PRIM2: variants seen among roughly 807,000 people sequenced by gnomAD.
PRIM2 encodes the protein DNA primase large subunit.
Under a neutral mutation model 67.3 loss-of-function variants are expected in PRIM2, and 39 were observed. The observed-to-expected ratio is 0.58, with a 90% CI of 0.45 to 0.76. PRIM2 has a LOEUF of 0.76. PRIM2 is among the 30% of genes least tolerant of loss of function. The pLI, the probability that PRIM2 is intolerant of heterozygous loss-of-function variation, is 0.00. For synonymous variants in PRIM2, 143 were observed against 198.7 expected, an observed-to-expected ratio of 0.72 and a Z score of 2.36; for missense variants, 398 against 598.7, an observed-to-expected ratio of 0.66 and a Z score of 3.50.
chr6:57,373,048 A>G (rs1415786919), intron 5 of PRIM2, among the ~76,000 whole-genome samples: 1 of 152,238 alleles, frequency 6.6e-6, no homozygotes, highest in Non-Finnish European at 1.5e-5. Flanking sequence ...ACTGTCTTCC[A>G]CAATGGTTGA....
chr6:57,247,134 G>GT, the PRIM2 span, among the ~76,000 whole-genome samples: 3 of 152,308 alleles, frequency 2.0e-5, no homozygotes, highest in Middle Eastern at 3.4e-3. Context: ...GATTACAGGC[G>GT]TGAGCCACAC....
intron 7 of PRIM2, among the ~76,000 whole-genome samples, chr6:57,393,992 GGATTCTCTATT>G (rs1417381099): frequency 1.3e-5 from 2 of 151,808 alleles, no homozygotes; most frequent in Non-Finnish European, 2.9e-5. Flanking sequence ...GTTTATTTCT[GGATTCTCTATT>G]CTGTTCCATT....
chr6:57,400,782 G>A (rs1338214805), intron 7 of PRIM2, among the ~76,000 whole-genome samples: 3 of 152,026 alleles, frequency 2.0e-5, no homozygotes, highest in Non-Finnish European at 2.9e-5. Context: ...TTGCATTGTA[G>A]GAATGGACAA....
At chr6:57,348,356 T>C (rs1011072104) in intron 5 of PRIM2, among the ~76,000 whole-genome samples, 1 of 152,216 alleles carries the variant, frequency 6.6e-6, no homozygotes, top group African/African-American at 2.4e-5. Flanking sequence ...AAAAAATATA[T>C]TTTTAAAATT....
intron 7 of PRIM2, among the ~76,000 whole-genome samples, chr6:57,412,810 G>A (rs1180071528): frequency 3.9e-5 from 6 of 151,904 alleles, no homozygotes; most frequent in Non-Finnish European, 7.4e-5. Flanking sequence ...AACAGAAATG[G>A]AAAAACAAAG....
intron 7 of PRIM2, among the ~76,000 whole-genome samples, chr6:57,465,264 T>C (rs1376786169): frequency 6.6e-6 from 1 of 152,214 alleles, no homozygotes; most frequent in Non-Finnish European, 1.5e-5. Flanking sequence ...TCAGCTTTTC[T>C]TGTAGCTAGG....
chr6:57,355,751 C>T (rs1178612822), intron 5 of PRIM2, among the ~76,000 whole-genome samples: 1 of 152,138 alleles, frequency 6.6e-6, no homozygotes, highest in Admixed American at 6.5e-5. Flanking sequence ...ATCCTTCCAC[C>T]TCAGCCTCTT....
At chr6:57,604,978 C>T (rs1167832005) in intron 11 of PRIM2, among the ~76,000 whole-genome samples, 1 of 152,174 alleles carries the variant, frequency 6.6e-6, no homozygotes, top group Admixed American at 6.5e-5. Context: ...GCGTGAGCCA[C>T]CGCGCTTGGC....
intron 5 of PRIM2, 22 bp from the exon 6 acceptor site, chr6:57,379,879 A>G: frequency 6.6e-7 from 1 of 1,526,368 alleles, no homozygotes; most frequent in Middle Eastern, 1.8e-4. Context: ...TTTTTGTAAC[A>G]GCTTAAAATA....
chr6:57,623,049 C>T (rs1278209542), intron 12 of PRIM2, among the ~76,000 whole-genome samples: 2 of 152,184 alleles, frequency 1.3e-5, no homozygotes, highest in Non-Finnish European at 2.9e-5. Flanking sequence ...TGGAAAGTAA[C>T]TGCTTTTAAG....
chr6:57,583,797 A>G (rs1386224993), intron 10 of PRIM2, among the ~76,000 whole-genome samples: 9 of 152,282 alleles, frequency 5.9e-5, no homozygotes, highest in Non-Finnish European at 7.3e-5. Context: ...CATGAATATT[A>G]TAATTTTATA....
At chr6:57,383,700 G>A (rs971829042) in intron 7 of PRIM2, 25 of 152,012 alleles carry the variant, frequency 1.6e-4, no homozygotes, top group African/African-American at 5.3e-4. Context: ...AGGTAACTTC[G>A]GGACAACCCA....
intron 10 of PRIM2, among the ~76,000 whole-genome samples, chr6:57,577,452 C>T (rs1270275784): frequency 4.7e-5 from 6 of 126,962 alleles, no homozygotes; most frequent in African/African-American, 1.5e-4. Context: ...TTTTTTGAGA[C>T]GGAGTGTCAC....
intron 13 of PRIM2, among the ~76,000 whole-genome samples, chr6:57,645,419 C>T (rs1379535168): frequency 3.3e-4 from 50 of 149,692 alleles, no homozygotes; most frequent in Non-Finnish European, 5.9e-4. Flanking sequence ...TTTGTTTTGA[C>T]GTAATTGTCA....
At chr6:57,242,107 C>T in the PRIM2 span, among the ~76,000 whole-genome samples, 2 of 152,094 alleles carry the variant, frequency 1.3e-5, no homozygotes, top group Admixed American at 6.6e-5. Flanking sequence ...GTTGTTTCTT[C>T]AGTTAGTTTC....
intron 10 of PRIM2, among the ~76,000 whole-genome samples, chr6:57,583,424 C>T (rs1347627555): frequency 1.9e-4 from 27 of 144,854 alleles, no homozygotes; most frequent in Non-Finnish European, 3.3e-4. Context: ...TGAGAATATG[C>T]GGTTTGTTTT....
At chr6:57,476,811 G>T (rs1421800329) in intron 7 of PRIM2, among the ~76,000 whole-genome samples, 1 of 152,022 alleles carries the variant, frequency 6.6e-6, no homozygotes. Context: ...GCAATGGTGC[G>T]ATCTCGGCTC....
At chr6:57,461,895 T>C (rs1331995752) in intron 7 of PRIM2, among the ~76,000 whole-genome samples, 1 of 152,252 alleles carries the variant, frequency 6.6e-6, no homozygotes, top group African/African-American at 2.4e-5. Flanking sequence ...AGAGCAGTGG[T>C]TAAAAGCCCT....
At chr6:57,400,710 T>G (rs1011043993) in intron 7 of PRIM2, among the ~76,000 whole-genome samples, 1 of 152,214 alleles carries the variant, frequency 6.6e-6, no homozygotes, top group African/African-American at 2.4e-5. Flanking sequence ...GTTGTTTGCT[T>G]TTTCCCCTTC....
Sources: gnomAD v4.1 joint callset for allele counts (sites outside exome capture counted in the v4.1 genomes callset) on GRCh38, gnomAD v4.1.1 for gene constraint, MANE v1.5 for transcripts, NCBI Gene and HGNC (gene_info 2026-07-23, HGNC 2026-07-21) for gene names.